SORCS2: variants seen among roughly 807,000 people sequenced by gnomAD.
SORCS2 encodes VPS10 domain-containing receptor SorCS2.
Under a neutral mutation model 141.6 loss-of-function variants are expected in SORCS2, and 100 were observed. That is an observed-to-expected ratio of 0.71 (90% confidence interval 0.60 to 0.83). The LOEUF is 0.83. SORCS2 is among the 40% of genes least tolerant of loss of function. The pLI, the probability that SORCS2 is intolerant of heterozygous loss-of-function variation, is 0.00. For synonymous variants in SORCS2, 789 were observed against 676.9 expected, an observed-to-expected ratio of 1.17 and a Z score of -2.57; for missense variants, 1,646 against 1,560.2, an observed-to-expected ratio of 1.05 and a Z score of -0.93.
chr4:7,373,657 A>C (rs1722424938), intron 1 of SORCS2, among the ~76,000 whole-genome samples: 1 of 149,894 alleles, frequency 6.7e-6, no homozygotes, highest in Non-Finnish European at 1.5e-5. Context: ...ATGTCCAATT[A>C]ATTTTTGTAT....
intron 2 of SORCS2, among the ~76,000 whole-genome samples, chr4:7,404,078 G>A (rs1225039090): frequency 6.7e-6 from 1 of 148,340 alleles, no homozygotes; most frequent in African/African-American, 2.5e-5. Context: ...TTTATTTCTG[G>A]GTTCTACGTT....
intron 1 of SORCS2, among the ~76,000 whole-genome samples, chr4:7,276,485 C>A (rs974296026): frequency 6.6e-6 from 1 of 152,174 alleles, no homozygotes; most frequent in Non-Finnish European, 1.5e-5. Flanking sequence ...CTCTTCCTGG[C>A]CAGCTCCCTT....
intron 3 of SORCS2, among the ~76,000 whole-genome samples, chr4:7,592,558 C>G (rs1363447298): frequency 6.6e-6 from 1 of 152,244 alleles, no homozygotes; most frequent in Non-Finnish European, 1.5e-5. Context: ...GTGACAGTCA[C>G]TTCAGGCTAG....
At chr4:7,353,058 C>T (rs1327720119) in intron 1 of SORCS2, among the ~76,000 whole-genome samples, 1 of 152,098 alleles carries the variant, frequency 6.6e-6, no homozygotes, top group Non-Finnish European at 1.5e-5. Context: ...AGGTCATCAC[C>T]CAGCTCTGTG....
chr4:7,672,371 G>A (rs1324812009), intron 8 of SORCS2, among the ~76,000 whole-genome samples: 13 of 152,178 alleles, frequency 8.5e-5, no homozygotes, highest in South Asian at 2.1e-4. Context: ...AGAAGGCAGC[G>A]AGCTGATACA....
At chr4:7,402,052 A>T (rs1724627735) in intron 2 of SORCS2, among the ~76,000 whole-genome samples, 1 of 152,200 alleles carries the variant, frequency 6.6e-6, no homozygotes, top group African/African-American at 2.4e-5. Flanking sequence ...TTGGGGTCGC[A>T]TGATTAGTGT....
At chr4:7,550,509 G>A (rs114153877) in intron 3 of SORCS2, among the ~76,000 whole-genome samples, 3,300 of 152,334 alleles carry the variant, frequency 0.022, 119 homozygotes, top group African/African-American at 0.075. Context: ...CCGCAGAAAG[G>A]GGTTTTCTTG....
chr4:7,667,166 C>T lies in SORCS2; in HGVS notation c.1114C>T (p.Arg372Ter). The T allele has an allele frequency of 6.2e-6, 10 of 1,613,810 alleles. No individual in the cohort carries two copies. Among genetic ancestry groups the T allele is most frequent in the East Asian group, 2.2e-5 (1 of 44,884 alleles). ...NQTKYYVSYR[R>*]NEFVLMKLPK... ...GACAAAATACTACGTCTCTTATCGT[C>T]GAAATGAATTTGTCCTGATGAAGCT... The change falls in exon 8 of 27, where the codon CGA (arginine) becomes TGA (stop). Residue 372 changes from arginine (R) to a stop codon, truncating the protein, a stop_gained. Coordinates refer to ENST00000507866, the MANE Select transcript of SORCS2 (RefSeq NM_020777.3). LOFTEE classifies it high-confidence loss of function.
intron 3 of SORCS2, among the ~76,000 whole-genome samples, chr4:7,545,603 G>T (rs1254419942): frequency 1.3e-5 from 2 of 152,232 alleles, no homozygotes; most frequent in Non-Finnish European, 2.9e-5. Context: ...TCCCAAGTCA[G>T]CAAGGGACTG....
intron 3 of SORCS2, among the ~76,000 whole-genome samples, chr4:7,535,298 G>C (rs1232976398): frequency 6.6e-6 from 1 of 152,228 alleles, no homozygotes; most frequent in African/African-American, 2.4e-5. Flanking sequence ...AGGAACTGCT[G>C]TCTCGGAGGC....
chr4:7,517,734 C>T lies in SORCS2; in HGVS notation c.549-13796C>T, dbSNP rs553510945. Among the ~76,000 whole-genome samples, 3 of 152,312 alleles carry T rather than the reference C, an allele frequency of 2.0e-5. No individual in the cohort carries two copies. In the South Asian group the frequency reaches 6.2e-4, roughly 32 times the overall value. ...CAGAGCATCCCACTGATGAGCCTCC[C>T]TCCTAGAGCTTAACCCTGGGAAATT... On this transcript the variant is annotated intron_variant, in intron 2 of 26. Transcript: ENST00000507866.
intron 1 of SORCS2, among the ~76,000 whole-genome samples, chr4:7,223,088 CAACT>C (rs1376153266): frequency 6.6e-6 from 1 of 152,146 alleles, no homozygotes; most frequent in Non-Finnish European, 1.5e-5. Context: ...AAACAACAAC[CAACT>C]GAGCAACAAA....
At chr4:7,617,994 T>C (rs1718880244) in intron 3 of SORCS2, among the ~76,000 whole-genome samples, 1 of 152,024 alleles carries the variant, frequency 6.6e-6, no homozygotes, top group African/African-American at 2.4e-5. Context: ...CCCAATGTCA[T>C]GGCTTCAGAT....
chr4:7,624,634 C>T (rs1335263248), intron 3 of SORCS2, among the ~76,000 whole-genome samples: 1 of 152,224 alleles, frequency 6.6e-6, no homozygotes, highest in Non-Finnish European at 1.5e-5. Flanking sequence ...ATTCCCTTGC[C>T]TTCCACTGTT....
intron 3 of SORCS2, among the ~76,000 whole-genome samples, chr4:7,593,954 T>C (rs901093123): frequency 2.2e-4 from 33 of 152,186 alleles, no homozygotes; most frequent in Non-Finnish European, 1.5e-5. Flanking sequence ...AATGGGCATT[T>C]ATTGAAATCC....
intron 4 of SORCS2, among the ~76,000 whole-genome samples, chr4:7,649,940 C>T (rs575034040): frequency 9.2e-5 from 14 of 152,244 alleles, no homozygotes; most frequent in African/African-American, 2.4e-4. Context: ...TCAGTTGTGG[C>T]GGCCCTCAGA....
chr4:7,421,555 T>C (rs929855100), intron 2 of SORCS2, among the ~76,000 whole-genome samples: 2 of 152,146 alleles, frequency 1.3e-5, no homozygotes, highest in African/African-American at 2.4e-5. Context: ...TCATGGTCAT[T>C]CTTTAGCAGC....
intron 1 of SORCS2, among the ~76,000 whole-genome samples, chr4:7,265,324 C>G (rs1284870328): frequency 1.3e-5 from 2 of 152,114 alleles, no homozygotes; most frequent in African/African-American, 2.4e-5. Flanking sequence ...AAACCTGTCT[C>G]TACTAAAAAT....
Position 7,347,468 on chromosome 4 carries a change from G to A in SORCS2, c.481-48820G>A, listed in dbSNP as rs114886742. On this transcript the variant is annotated intron_variant, in intron 1 of 26. Transcript: ENST00000507866. Reference sequence around the variant, plus strand: ...CCCTCTATATGCCTGTTTCAGCCTCGTGATGACCCAGTGAGGCATAGGGAC... The same window carrying A: ...CCCTCTATATGCCTGTTTCAGCCTCATGATGACCCAGTGAGGCATAGGGAC... Among the ~76,000 whole-genome samples the A allele has an allele frequency of 3.3e-3, 510 of 152,296 alleles. 4 individuals are homozygous for A. Among genetic ancestry groups the A allele is most frequent in the African/African-American group, 0.011 (439 of 41,564 alleles).
Sources: gnomAD v4.1 joint callset for allele counts (sites outside exome capture counted in the v4.1 genomes callset) on GRCh38, gnomAD v4.1.1 for gene constraint, MANE v1.5 for transcripts, NCBI Gene and HGNC (gene_info 2026-07-23, HGNC 2026-07-21) for gene names.